CBLN2: variants seen among roughly 807,000 people sequenced by gnomAD.
CBLN2 encodes cerebellin 2 precursor, also known as cerebellin-2.
In CBLN2, 7 loss-of-function variants were observed where a neutral mutation model predicts 15.0. The ratio of observed to expected loss-of-function variants is 0.47; its 90% confidence interval spans 0.27 to 0.88. CBLN2 has a LOEUF of 0.88. Among genes scored for constraint, CBLN2 ranks in the 40% least tolerant of loss-of-function variants. CBLN2 has a pLI of 0.14. For missense variants in CBLN2, 242 were observed against 304.5 expected, an observed-to-expected ratio of 0.79 and a Z score of 1.53; for synonymous variants, 149 against 135.2, an observed-to-expected ratio of 1.10 and a Z score of -0.71.
chr18:72,579,103 G>A (rs997075537), intron 1 of CBLN2, among the ~76,000 whole-genome samples: 1 of 152,166 alleles, frequency 6.6e-6, no homozygotes, highest in African/African-American at 2.4e-5. Flanking sequence ...TTTTGAGTAA[G>A]AGAAGCAAGA....
At chr18:72,620,793 T>A (rs1030430404) in intron 1 of CBLN2, among the ~76,000 whole-genome samples, 1 of 152,192 alleles carries the variant, frequency 6.6e-6, no homozygotes, top group African/African-American at 2.4e-5. Context: ...TTCCAACAAC[T>A]TTTGATATTT....
At chr18:72,557,742 C>G (rs902201025) in intron 1 of CBLN2, among the ~76,000 whole-genome samples, 3 of 152,056 alleles carry the variant, frequency 2.0e-5, no homozygotes, top group African/African-American at 7.2e-5. Flanking sequence ...AGAATACATA[C>G]TACTGCCTTT....
intron 1 of CBLN2, among the ~76,000 whole-genome samples, chr18:72,582,618 T>G (rs1298510798): frequency 6.6e-6 from 1 of 152,150 alleles, no homozygotes; most frequent in African/African-American, 2.4e-5. Flanking sequence ...GAACCAAACC[T>G]TGAGTAAAAC....
chr18:72,624,759 T>C (rs2069723776), intron 1 of CBLN2, among the ~76,000 whole-genome samples: 1 of 152,176 alleles, frequency 6.6e-6, no homozygotes, highest in Non-Finnish European at 1.5e-5. Flanking sequence ...TACATAATTA[T>C]GTGTGTGTGT....
intron 1 of CBLN2, among the ~76,000 whole-genome samples, chr18:72,624,912 T>A (rs1228102947): frequency 1.3e-5 from 2 of 152,186 alleles, no homozygotes; most frequent in Non-Finnish European, 2.9e-5. Context: ...TGGTATTAAA[T>A]CCTGTTATAC....
At chr18:72,615,066 T>A (rs1032045960) in intron 1 of CBLN2, among the ~76,000 whole-genome samples, 2 of 138,154 alleles carry the variant, frequency 1.4e-5, no homozygotes, top group Non-Finnish European at 3.1e-5. Context: ...TAAATATATA[T>A]ATTTATATAT....
At chr18:72,576,418 A>AG (rs1263962405) in intron 1 of CBLN2, among the ~76,000 whole-genome samples, 3 of 152,224 alleles carry the variant, frequency 2.0e-5, no homozygotes, top group Non-Finnish European at 2.9e-5. Context: ...ATATTTAAAA[A>AG]GTGTGCAGCC....
chr18:72,620,720 T>C (rs896573967), intron 1 of CBLN2: 4 of 152,190 alleles, frequency 2.6e-5, no homozygotes, highest in Non-Finnish European at 5.9e-5. Flanking sequence ...CTCGTCTGCC[T>C]AGAATTTCTT....
chr18:72,559,998 A>G (rs1276857176), intron 1 of CBLN2, among the ~76,000 whole-genome samples: 1 of 152,196 alleles, frequency 6.6e-6, no homozygotes, highest in Non-Finnish European at 1.5e-5. Context: ...AGGAATAATA[A>G]TATCAGCTCT....
At chr18:72,632,103 GA>G (rs2069781167) in intron 1 of CBLN2, among the ~76,000 whole-genome samples, 1 of 151,850 alleles carries the variant, frequency 6.6e-6, no homozygotes, top group Non-Finnish European at 1.5e-5. Flanking sequence ...TTTCATAGTT[GA>G]AAAATAGTAA....
chr18:72,575,508 G>T (rs920609982), intron 1 of CBLN2, among the ~76,000 whole-genome samples: 1 of 152,140 alleles, frequency 6.6e-6, no homozygotes, highest in African/African-American at 2.4e-5. Flanking sequence ...TTTTAGGAAG[G>T]GGGGCGTGGT....
intron 1 of CBLN2, among the ~76,000 whole-genome samples, chr18:72,567,547 T>A (rs1426594269): frequency 6.6e-6 from 1 of 152,204 alleles, no homozygotes; most frequent in East Asian, 1.9e-4. Flanking sequence ...CAAACGCACA[T>A]GAAATGTAAA....
intron 1 of CBLN2, among the ~76,000 whole-genome samples, chr18:72,560,735 G>C (rs1431352002): frequency 6.6e-6 from 1 of 152,226 alleles, no homozygotes; most frequent in Non-Finnish European, 1.5e-5. Context: ...TAGGCCGGGT[G>C]TGGTGGCTCA....
At chr18:72,562,965 G>A (rs770549716) in intron 1 of CBLN2, among the ~76,000 whole-genome samples, 21 of 152,308 alleles carry the variant, frequency 1.4e-4, no homozygotes, top group South Asian at 2.1e-4. Context: ...CCATTTTAGC[G>A]AGAGGTGCTC....
chr18:72,605,999 C>T (rs1478364602), intron 1 of CBLN2, among the ~76,000 whole-genome samples: 2 of 152,046 alleles, frequency 1.3e-5, no homozygotes, highest in African/African-American at 4.8e-5. Flanking sequence ...CATTCAATCA[C>T]TCCAGTGCCA....
intron 1 of CBLN2, among the ~76,000 whole-genome samples, chr18:72,578,162 A>G (rs2069380277): frequency 6.6e-6 from 1 of 152,180 alleles, no homozygotes; most frequent in Non-Finnish European, 1.5e-5. Context: ...TATACTATAA[A>G]CATTCAATAA....
chr18:72,557,643 C>A (rs2069234750), intron 1 of CBLN2, among the ~76,000 whole-genome samples: 1 of 152,168 alleles, frequency 6.6e-6, no homozygotes, highest in African/African-American at 2.4e-5. Context: ...CCTCAGCAAA[C>A]TAATGCAGGA....
intron 1 of CBLN2, among the ~76,000 whole-genome samples, chr18:72,593,804 C>G (rs965094400): frequency 6.6e-6 from 1 of 152,098 alleles, no homozygotes; most frequent in Non-Finnish European, 1.5e-5. Context: ...TGATGTATCA[C>G]ATGGATTAAT....
intron 1 of CBLN2, among the ~76,000 whole-genome samples, chr18:72,584,920 C>T (rs2069432301): frequency 6.6e-6 from 1 of 152,124 alleles, no homozygotes; most frequent in South Asian, 2.1e-4. Context: ...CCCACACCTG[C>T]CAAAGGTGAG....
Sources: gnomAD v4.1 joint callset for allele counts (sites outside exome capture counted in the v4.1 genomes callset) on GRCh38, gnomAD v4.1.1 for gene constraint, MANE v1.5 for transcripts, NCBI Gene and HGNC (gene_info 2026-07-23, HGNC 2026-07-21) for gene names.